The following AHNAK variants were observed in gnomAD, a reference collection of about 807,000 sequenced individuals.
AHNAK encodes neuroblast differentiation-associated protein AHNAK.
AHNAK carries 23 observed loss-of-function variants against 37.8 expected under a neutral mutation model. That is an observed-to-expected ratio of 0.61 (90% CI 0.44 to 0.86). The LOEUF (loss-of-function observed/expected upper bound fraction) is 0.86. Ranked by LOEUF, AHNAK falls within the 40% of genes least tolerant of loss-of-function variation. AHNAK has a pLI of 0.00. For synonymous variants in AHNAK, 2,481 were observed against 2,636.3 expected, an observed-to-expected ratio of 0.94 and a Z score of 1.80; for missense variants, 7,411 against 7,319.4, an observed-to-expected ratio of 1.01 and a Z score of -0.46.
At position 62,516,468 on chromosome 11, in the gene AHNAK, C is replaced by T; in HGVS notation, c.*276G>A. ...TTGCTTAGTAAACAGGAGCTCTCAG[C>T]AGTCAATGCAAAAAAATATATATAT... On this transcript the variant is annotated 3_prime_UTR_variant, in exon 5 of 5. Coordinates refer to ENST00000378024, the MANE Select transcript of AHNAK (RefSeq NM_001620.3). 7.6e-7 allele frequency: 1 copy of T among 1,308,942 alleles called. No individual in the cohort carries two copies. Among genetic ancestry groups the T allele is most frequent in the Non-Finnish European group, 9.8e-7 (1 of 1,024,046 alleles). The allele number at this position is 1,308,942 out of a possible 1,614,324, so 81.1% of individuals were successfully genotyped here. A position where few individuals can be genotyped will look rare whatever the true frequency, so the allele number is the denominator to read the frequency against.
chr11:62,545,928 C>G (rs912095045), intron 1 of AHNAK: 1 of 152,244 alleles, frequency 6.6e-6, no homozygotes, highest in African/African-American at 2.4e-5. Context: ...GCCGCCGCAG[C>G]GCACCCCCCT....
rs1196928047 is a variant in AHNAK at position 62,526,157 on chromosome 11, C to G, written c.8260G>C (p.Asp2754His). 6.2e-7 allele frequency: 1 copy of G among 1,613,628 alleles called. No individual in the cohort carries two copies. The highest frequency in any genetic ancestry group is 8.5e-7 in the Non-Finnish European group (1 of 1,179,932). Residue 2754 changes from aspartate to histidine, a missense_variant, in exon 5 of 5, where the codon GAT (aspartate) becomes CAT (histidine). Asp to His is a moderately conservative substitution (Grantham distance 81). Transcript: ENST00000378024. ...CAGTCTGGGCCATGAACATCAACAT[C>G]AGGTGCGTCAATGTCCACTTTTGGG... The part of the protein sequence containing the change: ...KGPKVDIDAP[D>H]VDVHGPDWHL...
chr11:62,463,525 G>T (rs1167868925), intron 5 of AHNAK, among the ~76,000 whole-genome samples: 1 of 151,864 alleles, frequency 6.6e-6, no homozygotes, highest in African/African-American at 2.4e-5. Flanking sequence ...ATTTTGCCTT[G>T]TGCACCAAGA....
At chr11:62,540,714 G>A (rs998922479) in intron 1 of AHNAK, among the ~76,000 whole-genome samples, 1 of 152,184 alleles carries the variant, frequency 6.6e-6, no homozygotes, top group African/African-American at 2.4e-5. Context: ...GACCCCCTAA[G>A]GCAGAAGACT....
At chr11:62,437,985 C>G (rs1481228584) in intron 5 of AHNAK, among the ~76,000 whole-genome samples, 1 of 151,960 alleles carries the variant, frequency 6.6e-6, no homozygotes, top group Non-Finnish European at 1.5e-5. Flanking sequence ...CAGCCTCAAA[C>G]TCCTAGGCTC....
At chr11:62,440,498 C>G (rs1422069464) in intron 5 of AHNAK, among the ~76,000 whole-genome samples, 1 of 152,110 alleles carries the variant, frequency 6.6e-6, no homozygotes, top group Non-Finnish European at 1.5e-5. Context: ...CACAAGCCCC[C>G]AGGAGTGCAC....
chr11:62,453,029 A>T (rs775779201), intron 5 of AHNAK, among the ~76,000 whole-genome samples: 91 of 152,130 alleles, frequency 6.0e-4, no homozygotes, highest in Middle Eastern at 3.4e-3. Context: ...TTTCAACAAA[A>T]AAGGTGTTTC....
Position 62,527,010 on chromosome 11 carries a change from C to A in AHNAK, c.7407G>T (p.Gly2469=), listed in dbSNP as rs773071069. The change falls in exon 5 of 5, where the codon GGG becomes GGT. Residue 2469 remains glycine, a synonymous_variant. Transcript: ENST00000378024. ...DLNLKGPKIK[G]DVDVSVPEVE... ...CCTCAGGCACAGACACATCCACATC[C>A]CCCTTGATTTTGGGTCCTTTGAGAT... The A allele has an allele frequency of 1.5e-5, 25 of 1,613,898 alleles. No homozygotes were observed. In the Admixed American group the frequency reaches 3.8e-4, roughly 25 times the overall value.
intron 5 of AHNAK, among the ~76,000 whole-genome samples, chr11:62,449,381 G>A (rs1272567539): frequency 2.6e-5 from 4 of 152,168 alleles, no homozygotes; most frequent in African/African-American, 9.7e-5. Flanking sequence ...CTGCTCAGCT[G>A]TAGAAAAGCT....
chr11:62,527,049 A>C lies in AHNAK; in HGVS notation c.7368T>G (p.Pro2456=), dbSNP rs987627058. 6.2e-7 allele frequency: 1 copy of C among 1,614,140 alleles called. No individual in the cohort carries two copies. Among genetic ancestry groups the C allele is most frequent in the Admixed American group, 1.7e-5 (1 of 60,012 alleles). The change falls in exon 5 of 5, where the codon CCT becomes CCG. Residue 2456 remains proline (P), a synonymous_variant. Coordinates refer to ENST00000378024, the MANE Select transcript of AHNAK (RefSeq NM_001620.3). The part of the protein sequence containing the change: ...MHFKAPNISM[P]DVDLNLKGPK... ...GTCCTTTGAGATTTAGATCAACATCAGGCATAGAAATATTGGGGGCTTTGA... is the reference window on the plus strand; with the variant it reads ...GTCCTTTGAGATTTAGATCAACATCCGGCATAGAAATATTGGGGGCTTTGA...
intron 5 of AHNAK, among the ~76,000 whole-genome samples, chr11:62,442,990 GAGAC>G (rs1427801475): frequency 6.8e-6 from 1 of 146,494 alleles, no homozygotes; most frequent in Non-Finnish European, 1.5e-5. Flanking sequence ...TTTTTTTTTT[GAGAC>G]AGAGTCTCGC....
Position 62,520,369 on chromosome 11 carries a change from A to G in AHNAK, c.14048T>C (p.Val4683Ala). Residue 4683 changes from valine (V) to alanine (A), a missense_variant, in exon 5 of 5, where the codon GTC becomes GCC. Coordinates refer to ENST00000378024, the MANE Select transcript of AHNAK (RefSeq NM_001620.3). Reference sequence around the variant, plus strand: ...ATCAACGTCCACTTTGGGTCCTGAGACATCAATGTCAGCCTTGGGCAGGTT... The same window carrying G: ...ATCAACGTCCACTTTGGGTCCTGAGGCATCAATGTCAGCCTTGGGCAGGTT... ...DVNLPKADID[V>A]SGPKVDVDVP... The G allele has an allele frequency of 6.2e-7, 1 of 1,612,818 alleles. No individual in the cohort carries two copies. The highest frequency in any genetic ancestry group is 8.5e-7 in the Non-Finnish European group (1 of 1,179,742).
chr11:62,487,494 C>A (rs536371992), intron 5 of AHNAK, among the ~76,000 whole-genome samples: 6 of 152,218 alleles, frequency 3.9e-5, no homozygotes, highest in Non-Finnish European at 8.8e-5. Flanking sequence ...CCGCCTTCAA[C>A]ATTTAGGACA....
At chr11:62,544,189 G>A (rs890891566) in intron 1 of AHNAK, among the ~76,000 whole-genome samples, 3 of 152,144 alleles carry the variant, frequency 2.0e-5, no homozygotes, top group Non-Finnish European at 2.9e-5. Context: ...GACTTCCTGA[G>A]GGCTAAGATG....
chr11:62,531,343 G>T lies in AHNAK; in HGVS notation c.3074C>A (p.Ala1025Glu), dbSNP rs201304148. The T allele has an allele frequency of 1.2e-6, 2 of 1,613,548 alleles. No individual in the cohort carries two copies. Among genetic ancestry groups the T allele is most frequent in the South Asian group, 2.2e-5 (2 of 91,050 alleles). ...TTTTGGTGCAGAAATGTCCACATTC[G>T]CTTTGGACAGGTTCACATCAAATTC... The part of the protein sequence containing the change: ...GPEFDVNLSK[A>E]NVDISAPKVD... Residue 1025 changes from alanine to glutamate, a missense_variant, in exon 5 of 5, where the codon GCG (alanine) becomes GAG (glutamate). Coordinates refer to ENST00000378024, the MANE Select transcript of AHNAK (RefSeq NM_001620.3).
chr11:62,484,291 C>CA (rs1281568611), intron 5 of AHNAK, among the ~76,000 whole-genome samples: 2 of 152,006 alleles, frequency 1.3e-5, no homozygotes, highest in Non-Finnish European at 2.9e-5. Flanking sequence ...GAGGCTGAGG[C>CA]AGGAGGATCA....
rs1466394019 is a variant in AHNAK, at chr11:62,527,175, G to C, written c.7242C>G (p.Asp2414Glu). Residue 2414 changes from aspartate to glutamate, a missense_variant, in exon 5 of 5, where the codon GAC becomes GAG. Asp to Glu is a conservative substitution (Grantham distance 45). Transcript: ENST00000378024. The part of the protein sequence containing the change: ...VDVDVPKLEG[D>E]LKGPHVDVSG... ...TGACATCCACATGTGGCCCTTTAAG[G>C]TCCCCTTCCAATTTGGGAACATCTA... is the stretch of plus-strand genomic sequence containing the variant. The C allele has an allele frequency of 6.2e-7, 1 of 1,611,056 alleles. No individual in the cohort carries two copies. Among genetic ancestry groups the C allele is most frequent in the African/African-American group, 1.3e-5 (1 of 74,666 alleles).
At position 62,490,559 on chromosome 11, in the gene AHNAK, C is replaced by T. The variant is rs536637180; in HGVS notation, c.442+1173G>A. On this transcript the variant is annotated intron_variant, in intron 5 of 5. Coordinates refer to the AHNAK transcript ENST00000257247. ...CCTGTTTATATGCTGAACGGACATTCACCCCAGGCTATGGGTGGAGCGCTG... is the reference window on the plus strand; with the variant it reads ...CCTGTTTATATGCTGAACGGACATTTACCCCAGGCTATGGGTGGAGCGCTG... Among the ~76,000 whole-genome samples, 116 of 152,166 alleles carry T rather than the reference C, an allele frequency of 7.6e-4. 1 individual carries two copies. Among genetic ancestry groups the T allele is most frequent in the South Asian group, 7.3e-3 (35 of 4,818 alleles).
At position 62,532,293 on chromosome 11, in the gene AHNAK, A is replaced by T; in HGVS notation, c.2124T>A (p.Gly708=). Residue 708 remains glycine (G), a synonymous_variant, in exon 5 of 5, where the codon GGT becomes GGA. Coordinates refer to ENST00000378024, the MANE Select transcript of AHNAK (RefSeq NM_001620.3). The part of the protein sequence containing the change: ...SMPDVDLHVK[G]TKVKGEYDVT... ...CATCATACTCTCCCTTCACCTTTGT[A>T]CCTTTCACGTGCAAATCTACATCAG... 1 of 1,611,822 alleles carries T rather than the reference A, an allele frequency of 6.2e-7. No individual in the cohort carries two copies. The highest frequency in any genetic ancestry group is 8.5e-7 in the Non-Finnish European group (1 of 1,179,432).
Sources: gnomAD v4.1 joint callset for allele counts (sites outside exome capture counted in the v4.1 genomes callset) on GRCh38, gnomAD v4.1.1 for gene constraint, MANE v1.5 for transcripts, NCBI Gene and HGNC (gene_info 2026-07-23, HGNC 2026-07-21) for gene names.